ZBTB20: variants seen among roughly 807,000 people sequenced by gnomAD.
ZBTB20 encodes zinc finger and BTB domain-containing protein 20.
A neutral mutation model predicts 56.9 loss-of-function variants in ZBTB20; 9 were observed. That is an observed-to-expected ratio of 0.16 (90% confidence interval 0.10 to 0.28). The LOEUF is 0.28. Ranked by LOEUF, ZBTB20 falls within the 10% of genes least tolerant of loss-of-function variation. The pLI, the probability that ZBTB20 is intolerant of heterozygous loss-of-function variation, is 1.00. For synonymous variants in ZBTB20, 417 were observed against 420.7 expected (o/e 0.99, Z 0.11); for missense variants, 655 against 1,003.0 (o/e 0.65, Z 4.69).
At chr3:114,416,575 G>A (rs1320607504) in intron 7 of ZBTB20, among the ~76,000 whole-genome samples, 2 of 152,142 alleles carry the variant, frequency 1.3e-5, no homozygotes, top group African/African-American at 4.8e-5. Context: ...AGTGCTGACA[G>A]AGCTTCTCTT....
chr3:115,143,283 G>A (rs2084870139), intron 1 of ZBTB20, among the ~76,000 whole-genome samples: 1 of 152,104 alleles, frequency 6.6e-6, no homozygotes. Flanking sequence ...TGAAAAAATG[G>A]TTTAAATAAC....
chr3:114,400,779 C>T (rs767037406), intron 7 of ZBTB20, among the ~76,000 whole-genome samples: 1 of 152,020 alleles, frequency 6.6e-6, no homozygotes, highest in Non-Finnish European at 1.5e-5. Flanking sequence ...CATGATTTCA[C>T]CTGGCAGCCC....
At chr3:115,146,989 CGGGCG>C (rs547943376) in intron 1 of ZBTB20, among the ~76,000 whole-genome samples, 302 of 149,018 alleles carry the variant, frequency 2.0e-3, no homozygotes, top group Middle Eastern at 0.011. Flanking sequence ...GGAGGGGGCG[CGGGCG>C]GGGCGGGGCG....
chr3:115,035,906 T>C (rs2080896770), intron 2 of ZBTB20, among the ~76,000 whole-genome samples: 1 of 152,070 alleles, frequency 6.6e-6, no homozygotes, highest in Non-Finnish European at 1.5e-5. Flanking sequence ...AGTAAGGAAA[T>C]TGTGACATAT....
chr3:114,576,596 T>C (rs1322881366), intron 6 of ZBTB20, among the ~76,000 whole-genome samples: 2 of 130,820 alleles, frequency 1.5e-5, no homozygotes, highest in South Asian at 2.4e-4. Context: ...AATTGAGTGA[T>C]AAGAGGAGAC....
intron 3 of ZBTB20, among the ~76,000 whole-genome samples, chr3:114,900,923 A>G (rs2075093140): frequency 6.6e-6 from 1 of 152,210 alleles, no homozygotes; most frequent in African/African-American, 2.4e-5. Flanking sequence ...CGTCGGATAT[A>G]ATGCAAAATG....
chr3:114,375,577 G>C (rs2083520527), intron 10 of ZBTB20, among the ~76,000 whole-genome samples: 1 of 152,194 alleles, frequency 6.6e-6, no homozygotes, highest in Non-Finnish European at 1.5e-5. Flanking sequence ...GGGCATGCCT[G>C]CAATTCAAGG....
chr3:114,520,416 T>G (rs1443129208), intron 6 of ZBTB20, among the ~76,000 whole-genome samples: 1 of 152,204 alleles, frequency 6.6e-6, no homozygotes, highest in African/African-American at 2.4e-5. Flanking sequence ...CATGAGATTT[T>G]GAGGTATACA....
At chr3:114,881,677 A>G (rs2076402476) in intron 4 of ZBTB20, among the ~76,000 whole-genome samples, 1 of 151,900 alleles carries the variant, frequency 6.6e-6, no homozygotes, top group Non-Finnish European at 1.5e-5. Flanking sequence ...GTCAATTTTA[A>G]AATTACATTT....
chr3:114,565,819 T>C (rs1177958715), intron 6 of ZBTB20, among the ~76,000 whole-genome samples: 2 of 152,108 alleles, frequency 1.3e-5, no homozygotes, highest in African/African-American at 4.8e-5. Flanking sequence ...GTGAAATTCT[T>C]AGTTCTCATA....
At chr3:114,849,506 C>T (rs931205512) in intron 4 of ZBTB20, among the ~76,000 whole-genome samples, 3 of 152,162 alleles carry the variant, frequency 2.0e-5, no homozygotes, top group Non-Finnish European at 4.4e-5. Flanking sequence ...ATAAGTCTTA[C>T]CTGAAACTGT....
intron 1 of ZBTB20, among the ~76,000 whole-genome samples, chr3:115,112,343 T>C (rs1326354631): frequency 6.6e-6 from 1 of 152,084 alleles, no homozygotes; most frequent in East Asian, 1.9e-4. Context: ...CTTCTAGCTA[T>C]TTTGCAATAT....
chr3:114,798,221 T>C (rs2071454637), intron 5 of ZBTB20, among the ~76,000 whole-genome samples: 1 of 151,832 alleles, frequency 6.6e-6, no homozygotes, highest in South Asian at 2.1e-4. Context: ...ACTGAAGTTC[T>C]AATGGTCTTA....
chr3:114,544,010 C>T lies in ZBTB20; in HGVS notation c.-294-43619G>A, dbSNP rs540104836. The stretch of plus-strand genomic sequence containing the variant: ...ACAGATGATTTATTCCACAACTATT[C>T]ATTGAGCACCTACTATTCTCTGGCA... On this transcript the variant is annotated intron_variant, in intron 6 of 11. Coordinates refer to ENST00000675478, the MANE Select transcript of ZBTB20 (RefSeq NM_001348800.3). 4.6e-5 allele frequency among the ~76,000 whole-genome samples: 7 copies of T among 152,270 alleles called. No homozygotes were observed. In the East Asian group the frequency reaches 1.4e-3, roughly 29 times the overall value.
intron 1 of ZBTB20, among the ~76,000 whole-genome samples, chr3:115,108,600 T>A (rs961888024): frequency 4.6e-5 from 7 of 152,226 alleles, no homozygotes; most frequent in African/African-American, 1.4e-4. Flanking sequence ...ATAATGTATA[T>A]TCTACAGTCT....
chr3:114,415,825 G>A (rs2088490444), intron 7 of ZBTB20, among the ~76,000 whole-genome samples: 1 of 151,964 alleles, frequency 6.6e-6, no homozygotes, highest in Non-Finnish European at 1.5e-5. Flanking sequence ...TATAGTAGTT[G>A]TGCTACAAGA....
At chr3:115,076,606 C>A (rs897136772) in intron 1 of ZBTB20, among the ~76,000 whole-genome samples, 4 of 152,012 alleles carry the variant, frequency 2.6e-5, no homozygotes, top group African/African-American at 9.7e-5. Context: ...ATAAAACATA[C>A]AGGAAAAGCT....
chr3:114,984,721 C>T (rs2078464452), intron 2 of ZBTB20, among the ~76,000 whole-genome samples: 1 of 152,008 alleles, frequency 6.6e-6, no homozygotes, highest in Admixed American at 6.6e-5. Context: ...CAGAAACATA[C>T]ATTTATGTTT....
At chr3:114,790,876 C>A (rs949888841) in intron 5 of ZBTB20, among the ~76,000 whole-genome samples, 1 of 151,692 alleles carries the variant, frequency 6.6e-6, no homozygotes, top group Non-Finnish European at 1.5e-5. Flanking sequence ...ACTAGCAATT[C>A]ATTCTTCATT....
Sources: allele counts gnomAD v4.1 joint callset (sites outside exome capture counted in the v4.1 genomes callset), GRCh38; gene constraint gnomAD v4.1.1; transcripts MANE v1.5; gene names NCBI Gene and HGNC (gene_info 2026-07-23, HGNC 2026-07-21).